UGT2A2: variants seen among roughly 807,000 people sequenced by gnomAD.
UGT2A2 encodes UDP-glucuronosyltransferase 2A2.
Under a neutral mutation model 50.7 loss-of-function variants are expected in UGT2A2, and 60 were observed. That is an observed-to-expected ratio of 1.18 (90% CI 0.96 to 1.47). UGT2A2 has a LOEUF of 1.47. UGT2A2 is among the 40% of genes most tolerant of loss of function. The pLI, the probability that UGT2A2 is intolerant of heterozygous loss-of-function variation, is 0.00. For synonymous variants in UGT2A2, 242 were observed against 214.6 expected (o/e 1.13, Z -1.11); for missense variants, 762 against 634.0 (o/e 1.20, Z -2.17).
chr4:69,633,028 G>A (rs1422223515), intron 1 of UGT2A2, among the ~76,000 whole-genome samples: 1 of 152,078 alleles, frequency 6.6e-6, no homozygotes, highest in Non-Finnish European at 1.5e-5. Context: ...AATGATAAGA[G>A]GATGTAGTAA....
chr4:69,616,285 T>C (rs890256406), intron 1 of UGT2A2, among the ~76,000 whole-genome samples: 1 of 151,730 alleles, frequency 6.6e-6, no homozygotes, highest in Non-Finnish European at 1.5e-5. Flanking sequence ...GCTACAAAAA[T>C]ATAGTTAGAA....
chr4:69,602,095 C>A (rs1719329480), intron 1 of UGT2A2, among the ~76,000 whole-genome samples: 2 of 135,334 alleles, frequency 1.5e-5, no homozygotes, highest in South Asian at 2.4e-4. Flanking sequence ...AATATTTTAA[C>A]AAAAGATATG....
chr4:69,613,402 C>G lies in UGT2A2; in HGVS notation c.743-14008G>C, dbSNP rs1386100671. 6.6e-5 allele frequency among the ~76,000 whole-genome samples: 10 copies of G among 151,886 alleles called. No homozygotes were observed. In the East Asian group the frequency reaches 1.9e-3, roughly 29 times the overall value. ...ACTTTCACTGTTGAATTCTACCAAA[C>G]ATTTGAATAACTAATGTCAATTCTA... On this transcript the variant is annotated intron_variant, in intron 1 of 5. Transcript: ENST00000604629.
intron 2 of UGT2A2, among the ~76,000 whole-genome samples, chr4:69,598,724 C>T (rs962407164): frequency 1.3e-5 from 2 of 151,738 alleles, no homozygotes; most frequent in Admixed American, 6.6e-5. Flanking sequence ...TTTTTTTAAC[C>T]AATTGTTTCC....
intron 1 of UGT2A2, among the ~76,000 whole-genome samples, chr4:69,610,191 T>A (rs1272548366): frequency 6.6e-6 from 1 of 152,140 alleles, no homozygotes; most frequent in South Asian, 2.1e-4. Context: ...TATTTTTAAA[T>A]GTGCAAAAAT....
intron 1 of UGT2A2, among the ~76,000 whole-genome samples, chr4:69,632,456 G>A (rs1217606862): frequency 3.3e-5 from 5 of 152,052 alleles, no homozygotes; most frequent in Admixed American, 6.5e-5. Context: ...ACATCCAATG[G>A]CTTCATCATT....
intron 1 of UGT2A2, 108 bp from the exon 2 acceptor site, chr4:69,599,502 T>A: frequency 6.7e-7 from 1 of 1,487,026 alleles, no homozygotes; most frequent in South Asian, 1.3e-5. Context: ...AAAAACTGAA[T>A]TAGGTCTTCT....
intron 1 of UGT2A2, among the ~76,000 whole-genome samples, chr4:69,606,132 T>A (rs1331896624): frequency 1.5e-5 from 2 of 135,936 alleles, no homozygotes; most frequent in Admixed American, 7.2e-5. Context: ...AAAGAGAATT[T>A]TAGACCAATA....
At chr4:69,632,930 T>G (rs1188662112) in intron 1 of UGT2A2, among the ~76,000 whole-genome samples, 1 of 152,136 alleles carries the variant, frequency 6.6e-6, no homozygotes, top group East Asian at 1.9e-4. Context: ...ACTTTTATTT[T>G]TAATCAAGGA....
Position 69,594,536 on chromosome 4 carries a change from T to G in UGT2A2, c.1272A>C (p.Leu424=), listed in dbSNP as rs749304766. ...KAKGAAVEVN[L]NTMTSVDLLS... ...GCAAATCCACACTTGTCATTGTGTT[T>G]AGGTTCACTTCCACAGCTGCTCCTT... Residue 424 remains leucine, a synonymous_variant, in exon 5 of 6, where the codon CTA becomes CTC. Transcript: ENST00000604629. The G allele has an allele frequency of 1.2e-6, 2 of 1,614,076 alleles. No individual in the cohort carries two copies. The highest frequency in any genetic ancestry group is 2.2e-5 in the East Asian group (1 of 44,892).
intron 1 of UGT2A2, among the ~76,000 whole-genome samples, chr4:69,623,519 G>T (rs1178415213): frequency 2.0e-5 from 3 of 151,346 alleles, no homozygotes; most frequent in Non-Finnish European, 4.4e-5. Context: ...ATATTTAACA[G>T]AATAGTTTAT....
chr4:69,609,299 A>ACAACACC (rs1719887036), intron 1 of UGT2A2, among the ~76,000 whole-genome samples: 1 of 151,972 alleles, frequency 6.6e-6, no homozygotes, highest in South Asian at 2.1e-4. Context: ...CCAGAGGTGC[A>ACAACACC]CAACACCAAA....
chr4:69,628,513 C>T (rs1392765340), intron 1 of UGT2A2, among the ~76,000 whole-genome samples: 2 of 151,196 alleles, frequency 1.3e-5, no homozygotes, highest in African/African-American at 4.9e-5. Flanking sequence ...GTAGTCTCTT[C>T]AATAAATGAT....
chr4:69,589,371 C>T lies in UGT2A2; in HGVS notation c.*1G>A, dbSNP rs1411320571. The T allele has an allele frequency of 6.2e-7, 1 of 1,608,330 alleles. No individual in the cohort carries two copies. The highest frequency in any genetic ancestry group is 8.5e-7 in the Non-Finnish European group (1 of 1,177,272). On this transcript the variant is annotated 3_prime_UTR_variant, in exon 6 of 6. Transcript: ENST00000604629. The stretch of plus-strand genomic sequence containing the variant: ...TATATATATTTCCTCTTTTTCTTGA[C>T]CTATTCTCTTTTTTTCTTCTTTCCT...
At chr4:69,595,353 G>C (rs950569979) in intron 3 of UGT2A2, 104 bp from the exon 4 acceptor site, 5 of 1,325,178 alleles carry the variant, frequency 3.8e-6, no homozygotes, top group Non-Finnish European at 4.2e-6. Context: ...TGGAAGACGG[G>C]AATTACATAA....
At chr4:69,623,564 A>G (rs28556671) in intron 1 of UGT2A2, among the ~76,000 whole-genome samples, 52,779 of 150,700 alleles carry the variant, frequency 0.35, 9,551 homozygotes, top group African/African-American at 0.43. Context: ...AATATTTTAC[A>G]TTATTTAATG....
chr4:69,628,185 T>C lies in UGT2A2; in HGVS notation c.742+10714A>G, dbSNP rs923678929. ...TCTCAGGGCATCAAAATGTCCATGT[T>C]ACCCAAAACAATCCAGATTCAATGA... On this transcript the variant is annotated intron_variant, in intron 1 of 5. Transcript: ENST00000604629. Among the ~76,000 whole-genome samples the C allele has an allele frequency of 4.6e-5, 7 of 151,900 alleles. 1 individual carries two copies. The highest frequency in any genetic ancestry group is 2.6e-4 in the Admixed American group (4 of 15,202).
chr4:69,598,700 A>C (rs1449956418), intron 2 of UGT2A2, among the ~76,000 whole-genome samples: 1 of 152,020 alleles, frequency 6.6e-6, no homozygotes, highest in East Asian at 1.9e-4. Flanking sequence ...ACCATTGTCA[A>C]CTCAAAAGAG....
In UGT2A2 at chr4:69,608,433, G is replaced by C. The variant is rs553824647; in HGVS notation, c.743-9039C>G. ...CGGGGCCTGTTGTGGGGTGGGGGGA[G>C]GGGGGAAGGATAGCGTTGGGAAATA... On this transcript the variant is annotated intron_variant, in intron 1 of 5. Coordinates refer to ENST00000604629, the MANE Select transcript of UGT2A2 (RefSeq NM_001105677.2). Among the ~76,000 whole-genome samples the C allele has an allele frequency of 8.0e-4, 106 of 132,498 alleles. 1 individual carries two copies. The highest frequency in any genetic ancestry group is 1.9e-4 in the Non-Finnish European group (12 of 62,208). 86.9% of individuals were successfully genotyped at this position (132,498 alleles called of 152,430 possible). A position where few individuals can be genotyped will look rare whatever the true frequency, so the allele number is the denominator to read the frequency against.
Sources: allele counts gnomAD v4.1 joint callset (sites outside exome capture counted in the v4.1 genomes callset), GRCh38; gene constraint gnomAD v4.1.1; transcripts MANE v1.5; gene names NCBI Gene and HGNC (gene_info 2026-07-23, HGNC 2026-07-21).